Variants in TOMM40 observed in about 807,000 individuals in gnomAD.
The protein encoded by TOMM40 is translocase of outer mitochondrial membrane 40.
Under a neutral mutation model 38.4 loss-of-function variants are expected in TOMM40, and 9 were observed. The ratio of observed to expected loss-of-function variants is 0.23; its 90% CI spans 0.14 to 0.41. The LOEUF (loss-of-function observed/expected upper bound fraction) is 0.41, where lower values mean the gene tolerates loss of function less well. TOMM40 is among the 10% of genes least tolerant of loss of function. TOMM40 has a pLI of 1.00. For missense variants in TOMM40, 299 were observed against 486.5 expected (o/e 0.61, Z 3.63); for synonymous variants, 184 against 210.0 (o/e 0.88, Z 1.07).
At chr19:44,901,763 C>T (rs900332813) in intron 8 of TOMM40, 52 of 168,252 alleles carry the variant, frequency 3.1e-4, no homozygotes, top group Non-Finnish European at 3.0e-4. Flanking sequence ...GTGGACAACC[C>T]TCTACTATGT....
chr19:44,901,745 A>ATAAAATGAAATAAATAAATAAATGTT, intron 8 of TOMM40: 1 of 184,686 alleles, frequency 5.4e-6, no homozygotes, highest in Non-Finnish European at 1.1e-5. Context: ...TCAAAAAAAA[A>ATAAAATGAAATAAATAAATAAATGTT]AAAGTAGGTG....
intron 8 of TOMM40, 67 bp from the exon 9 acceptor site, chr19:44,902,963 T>G: frequency 6.4e-7 from 1 of 1,557,668 alleles, no homozygotes. Context: ...GTATCCAAGG[T>G]GGCCAGGAAC....
chr19:44,901,570 A>G, intron 8 of TOMM40: 1 of 866,548 alleles, frequency 1.2e-6, no homozygotes, highest in Non-Finnish European at 1.7e-6. Context: ...CTCCGTCTCT[A>G]CTAAAAATAC....
At chr19:44,901,745 A>ATAAAATGAAAT in intron 8 of TOMM40, 1 of 184,682 alleles carries the variant, frequency 5.4e-6, no homozygotes, top group South Asian at 1.6e-4. Flanking sequence ...TCAAAAAAAA[A>ATAAAATGAAAT]AAAGTAGGTG....
At chr19:44,900,403 A>G (rs997721472) in intron 5 of TOMM40, among the ~76,000 whole-genome samples, 2 of 152,082 alleles carry the variant, frequency 1.3e-5, no homozygotes, top group South Asian at 4.1e-4. Flanking sequence ...CCCTTGACAC[A>G]TTTTGTGAGC....
At chr19:44,901,939 T>G in intron 8 of TOMM40, 1 of 152,490 alleles carries the variant, frequency 6.6e-6, no homozygotes, top group Non-Finnish European at 1.5e-5. Context: ...GTACAAAAAT[T>G]AGCCAGGTGT....
intron 1 of TOMM40, 33 bp downstream of exon 1, chr19:44,891,722 T>A: frequency 7.1e-7 from 1 of 1,411,752 alleles, no homozygotes; most frequent in South Asian, 1.4e-5. Context: ...TGGGCTGCGA[T>A]GGCCTGGATC....
At chr19:44,900,663 C>T (rs775228965) in intron 5 of TOMM40, 67 bp from the exon 6 acceptor site, 8 of 1,610,262 alleles carry the variant, frequency 5.0e-6, no homozygotes, top group Non-Finnish European at 4.2e-6. Context: ...GCCTAGAGGG[C>T]TTCCTGGAGG....
intron 1 of TOMM40, 52 bp downstream of exon 1, chr19:44,891,741 A>G (rs1472281976): frequency 2.2e-6 from 3 of 1,388,306 alleles, no homozygotes; most frequent in Non-Finnish European, 1.9e-6. Flanking sequence ...TCTCGGGGGA[A>G]GGGGGAGGAC....
At chr19:44,898,824 C>T (rs952710807) in intron 5 of TOMM40, among the ~76,000 whole-genome samples, 2 of 151,802 alleles carry the variant, frequency 1.3e-5, no homozygotes, top group African/African-American at 2.4e-5. Flanking sequence ...AGGTGTGAGC[C>T]ACCGTGCCCA....
intron 5 of TOMM40, 145 bp from the exon 6 acceptor site, chr19:44,900,585 C>T (rs1339467344): frequency 2.0e-5 from 29 of 1,487,058 alleles, no homozygotes; most frequent in Non-Finnish European, 2.5e-5. Context: ...AACCCCTGGG[C>T]GATGGGTTAG....
At chr19:44,897,962 A>T (rs1354435816) in intron 5 of TOMM40, among the ~76,000 whole-genome samples, 1 of 151,840 alleles carries the variant, frequency 6.6e-6, no homozygotes, top group Admixed American at 6.6e-5. Context: ...GGGTTCGGGG[A>T]TTCATTTGCT....
rs1199151470 is a variant in TOMM40 at position 44,892,773 on chromosome 19, C to T, written c.343-64C>T. 7.3e-6 allele frequency: 10 copies of T among 1,377,118 alleles called. No individual in the cohort carries two copies. In the Admixed American group the frequency reaches 8.7e-5, roughly 12 times the overall value. 85.3% of individuals were successfully genotyped at this position (1,377,118 alleles called of 1,614,324 possible). ...CCCTGCCCAGCCCAGAGACCTTGTC[C>T]TTGCCCTCTTCAGTGGGCAAGCCTA... On this transcript the variant is annotated intron_variant, in intron 2 of 8. Coordinates refer to ENST00000426677, the MANE Select transcript of TOMM40 (RefSeq NM_001128917.2).
chr19:44,896,303 C>T (rs1969564686), intron 5 of TOMM40, among the ~76,000 whole-genome samples: 1 of 152,202 alleles, frequency 6.6e-6, no homozygotes, highest in Non-Finnish European at 1.5e-5. Context: ...CGACTTGACC[C>T]AGGGTGTCTC....
rs137949326 is a variant in TOMM40 at position 44,900,763 on chromosome 19, C to G, written c.677C>G (p.Thr226Arg). The G allele has an allele frequency of 7.4e-6, 12 of 1,612,988 alleles. No homozygotes were observed. The highest frequency in any genetic ancestry group is 1.0e-5 in the Non-Finnish European group (12 of 1,179,952). ...GTAGCCCACTACCTCCAGAGCATCA[C>G]GCCTTGCCTGGCCCTGGGTGGAGAG... is the stretch of plus-strand genomic sequence containing the variant. ...ILVAHYLQSI[T>R]PCLALGGELV... is the part of the protein sequence containing the mutation. The change falls in exon 6 of 9, where the codon ACG becomes AGG. Residue 226 changes from threonine (T) to arginine (R), a missense_variant. Transcript: ENST00000426677.
intron 5 of TOMM40, among the ~76,000 whole-genome samples, chr19:44,899,513 CTA>C (rs1216430108): frequency 1.3e-5 from 2 of 152,014 alleles, no homozygotes; most frequent in African/African-American, 4.8e-5. Context: ...TTTGTATTCG[CTA>C]TGTTTCCCAA....
intron 1 of TOMM40, 65 bp from the exon 2 acceptor site, chr19:44,892,328 G>A: frequency 6.7e-7 from 1 of 1,491,680 alleles, no homozygotes; most frequent in Non-Finnish European, 9.4e-7. Flanking sequence ...GGGGGTGGTA[G>A]GGAAGGAAGA....
intron 5 of TOMM40, among the ~76,000 whole-genome samples, chr19:44,898,106 C>G (rs1012401590): frequency 6.6e-5 from 10 of 152,262 alleles, no homozygotes; most frequent in Admixed American, 2.6e-4. Context: ...GCCTCTCTCA[C>G]ACCCACCAGG....
At chr19:44,897,153 C>T (rs187079707) in intron 5 of TOMM40, among the ~76,000 whole-genome samples, 26 of 152,222 alleles carry the variant, frequency 1.7e-4, no homozygotes, top group Admixed American at 5.9e-4. Context: ...TTAACATGAT[C>T]CCTCTGTCTG....
Sources: gnomAD v4.1 joint callset for allele counts (sites outside exome capture counted in the v4.1 genomes callset) on GRCh38, gnomAD v4.1.1 for gene constraint, MANE v1.5 for transcripts, NCBI Gene and HGNC (gene_info 2026-07-23, HGNC 2026-07-21) for gene names.